Variants in PCDHA9 observed in about 807,000 individuals in gnomAD.
PCDHA9 encodes the protein protocadherin alpha 9.
A neutral mutation model predicts 62.0 loss-of-function variants in PCDHA9; 62 were observed. The ratio of observed to expected loss-of-function variants is 1.00; its 90% CI spans 0.81 to 1.23. The LOEUF is 1.23. PCDHA9 is among the 50% of genes most tolerant of loss of function. The pLI is 0.00. For missense variants in PCDHA9, 1,205 were observed against 1,249.8 expected (o/e 0.96, Z 0.54); for synonymous variants, 557 against 567.6 (o/e 0.98, Z 0.27).
intron 1 of PCDHA9, among the ~76,000 whole-genome samples, chr5:140,905,776 G>A (rs190550917): frequency 2.4e-3 from 372 of 152,186 alleles, no homozygotes; most frequent in Non-Finnish European, 4.1e-3. Context: ...ATTCCGAAGT[G>A]TATTAGTCAG....
intron 1 of PCDHA9, among the ~76,000 whole-genome samples, chr5:140,922,023 T>TA (rs530025575): frequency 3.9e-5 from 6 of 151,968 alleles, no homozygotes; most frequent in African/African-American, 1.4e-4. Flanking sequence ...AAAATAAATA[T>TA]AAAAAATGTA....
chr5:140,954,599 C>T (rs1554221480), intron 1 of PCDHA9, among the ~76,000 whole-genome samples: 1 of 152,042 alleles, frequency 6.6e-6, no homozygotes, highest in East Asian at 1.9e-4. Flanking sequence ...ATGTTCTTTG[C>T]CCACTTTTTA....
chr5:140,871,245 G>A, intron 1 of PCDHA9: 1 of 1,613,982 alleles, frequency 6.2e-7, no homozygotes, highest in Non-Finnish European at 8.5e-7. Flanking sequence ...TACTCACGCT[G>A]CTGCTGTATA....
intron 1 of PCDHA9, chr5:140,869,801 T>C: frequency 6.2e-7 from 1 of 1,612,816 alleles, no homozygotes; most frequent in African/African-American, 1.3e-5. Flanking sequence ...GTCCAAGTCT[T>C]GGATGTCAAC....
At chr5:140,875,221 A>G (rs2055359390) in intron 1 of PCDHA9, 3 of 759,332 alleles carry the variant, frequency 4.0e-6, no homozygotes, top group South Asian at 3.3e-5. Flanking sequence ...AAAGAACCTC[A>G]GGATCTTTCT....
At chr5:140,987,960 C>G (rs2097275437) in intron 3 of PCDHA9, among the ~76,000 whole-genome samples, 1 of 152,120 alleles carries the variant, frequency 6.6e-6, no homozygotes, top group African/African-American at 2.4e-5. Flanking sequence ...AACCAACTCC[C>G]CATGGAAAGA....
At chr5:140,869,899 G>T in intron 1 of PCDHA9, 1 of 1,610,464 alleles carries the variant, frequency 6.2e-7, no homozygotes, top group South Asian at 1.1e-5. Flanking sequence ...CAAACTAAAC[G>T]CCACAGACCG....
At chr5:140,864,479 C>T (rs1272499335) in intron 1 of PCDHA9, 1 of 152,160 alleles carries the variant, frequency 6.6e-6, no homozygotes, top group Non-Finnish European at 1.5e-5. Flanking sequence ...ATGTTGATTG[C>T]AGTGGGTGGA....
intron 2 of PCDHA9, among the ~76,000 whole-genome samples, chr5:140,979,370 G>A (rs1247964519): frequency 6.6e-6 from 1 of 150,650 alleles, no homozygotes; most frequent in Non-Finnish European, 1.5e-5. Context: ...TGAGACTTGG[G>A]TACATTGTGC....
At chr5:140,943,275 AAAG>A (rs1197372058) in intron 1 of PCDHA9, among the ~76,000 whole-genome samples, 86 of 137,844 alleles carry the variant, frequency 6.2e-4, no homozygotes, top group African/African-American at 2.2e-3. Flanking sequence ...AAAAAAAAAA[AAAG>A]AAAGAAAGAA....
At chr5:140,878,352 A>T (rs2057558583) in intron 1 of PCDHA9, among the ~76,000 whole-genome samples, 1 of 152,242 alleles carries the variant, frequency 6.6e-6, no homozygotes, top group African/African-American at 2.4e-5. Flanking sequence ...CAATAATATA[A>T]ATGATATGTC....
intron 3 of PCDHA9, among the ~76,000 whole-genome samples, chr5:141,008,816 C>T (rs2098391999): frequency 6.6e-6 from 1 of 152,190 alleles, no homozygotes; most frequent in African/African-American, 2.4e-5. Context: ...GCTCAATTTA[C>T]AACAGGATTC....
At position 140,849,493 on chromosome 5, in the gene PCDHA9, A is replaced by G. The variant is rs2150439016; in HGVS notation, c.998A>G (p.His333Arg). ...AAAGGCTTCCCACCCCTGGCTGGTC[A>G]TTGTACACTTCTTGTGGAAGTTGTG... Reference protein sequence around the residue: ...VDKGFPPLAGHCTLLVEVVDV... With the variant: ...VDKGFPPLAGRCTLLVEVVDV... The change falls in exon 1 of 4, where the codon CAT becomes CGT. Residue 333 changes from histidine (H) to arginine (R), a missense_variant. His to Arg is a conservative substitution (Grantham distance 29). This residue lies in a region of PCDHA9 where 110 missense variants were observed against 227.2 expected (regional missense o/e 0.48). Transcript: ENST00000532602. 4.4e-6 allele frequency: 7 copies of G among 1,593,210 alleles called. 2 individuals are homozygous for G. Among genetic ancestry groups the G allele is most frequent in the Non-Finnish European group, 3.4e-6 (4 of 1,164,850 alleles).
chr5:140,877,515 G>A (rs371100299), intron 1 of PCDHA9: 177 of 1,613,796 alleles, frequency 1.1e-4, no homozygotes, highest in Admixed American at 4.8e-4. Context: ...CGTCGTCGCG[G>A]GCCTCAGTGG....
intron 1 of PCDHA9, among the ~76,000 whole-genome samples, chr5:140,948,147 A>T (rs2094217534): frequency 6.6e-6 from 1 of 151,572 alleles, no homozygotes; most frequent in African/African-American, 2.4e-5. Context: ...TGATTTTTGA[A>T]TGTTGGAAAA....
rs2150441030 is a variant in PCDHA9, at chr5:140,849,576, G to A, written c.1081G>A (p.Glu361Lys). The part of the protein sequence containing the change: ...TIKTLSVPVK[E>K]DAQLGTVIAL... ...CAAAACGCTCTCGGTTCCTGTAAAA[G>A]AGGACGCACAACTGGGGACAGTTAT... is the stretch of plus-strand genomic sequence containing the variant. The change falls in exon 1 of 4, where the codon GAG (glutamate) becomes AAG (lysine). Residue 361 changes from glutamate to lysine, a missense_variant. Glu to Lys is a moderately conservative substitution (Grantham distance 56, BLOSUM62 1). Transcript: ENST00000532602. 1.9e-6 allele frequency: 3 copies of A among 1,598,698 alleles called. No individual in the cohort carries two copies. Among genetic ancestry groups the A allele is most frequent in the Non-Finnish European group, 2.6e-6 (3 of 1,167,982 alleles).
intron 1 of PCDHA9, among the ~76,000 whole-genome samples, chr5:140,880,565 A>T (rs1554171321): frequency 6.6e-6 from 1 of 152,206 alleles, no homozygotes; most frequent in Non-Finnish European, 1.5e-5. Flanking sequence ...TGAGGTTGAG[A>T]ATTTGAGAAG....
chr5:140,967,963 A>G (rs1554230144), intron 1 of PCDHA9: 1 of 1,614,210 alleles, frequency 6.2e-7, no homozygotes, highest in South Asian at 1.1e-5. Flanking sequence ...CCAACCGGAA[A>G]GTGAGCCTGG....
chr5:140,942,808 C>T (rs1175421349), intron 1 of PCDHA9, among the ~76,000 whole-genome samples: 1 of 151,920 alleles, frequency 6.6e-6, no homozygotes, highest in East Asian at 1.9e-4. Context: ...TTTCCACAAA[C>T]TAGTTGGATT....
Sources: gnomAD v4.1 joint callset for allele counts (sites outside exome capture counted in the v4.1 genomes callset) on GRCh38, gnomAD v4.1.1 for gene constraint, gnomAD v4.1.1 regional missense constraint, MANE v1.5 for transcripts, NCBI Gene and HGNC (gene_info 2026-07-23, HGNC 2026-07-21) for gene names.